MID1: variants seen among roughly 807,000 people sequenced by gnomAD.
MID1 encodes midline 1.
MID1 carries 7 observed loss-of-function variants against 40.4 expected under a neutral mutation model. That is an observed-to-expected ratio of 0.17 (90% CI 0.10 to 0.33). The LOEUF (loss-of-function observed/expected upper bound fraction) is 0.33, where lower values mean the gene tolerates loss of function less well. MID1 is among the 10% of genes least tolerant of loss of function. MID1 has a pLI of 1.00. For synonymous variants in MID1, 229 were observed against 221.2 expected (o/e 1.04, Z -0.31); for missense variants, 367 against 558.5 (o/e 0.66, Z 3.46).
At chrX:10,831,170 A>G (rs1200288132) in intron 1 of MID1, among the ~76,000 whole-genome samples, 1 of 111,863 alleles carries the variant, frequency 8.9e-6, no homozygotes, top group Non-Finnish European at 1.9e-5. Context: ...CAACCCACTC[A>G]TCATTTACCA....
intron 3 of MID1, among the ~76,000 whole-genome samples, chrX:10,521,118 G>T (rs1932681977): frequency 1.2e-5 from 1 of 86,641 alleles, no homozygotes; most frequent in Non-Finnish European, 2.3e-5. Flanking sequence ...GAGTGTGTAT[G>T]GGAGGGGGGC....
chrX:10,516,769 C>T (rs1452342498), intron 3 of MID1, among the ~76,000 whole-genome samples: 2 of 110,212 alleles, frequency 1.8e-5, no homozygotes, highest in Non-Finnish European at 3.8e-5. Flanking sequence ...GCGCACACCA[C>T]CACGCCTGTC....
chrX:10,819,454 T>C (rs932425129), intron 1 of MID1, among the ~76,000 whole-genome samples: 7 of 112,156 alleles, frequency 6.2e-5, no homozygotes, highest in African/African-American at 2.3e-4. Flanking sequence ...TGCATATTTT[T>C]ATCTCCCCAG....
At chrX:10,663,219 C>T (rs1274072753) in intron 1 of MID1, among the ~76,000 whole-genome samples, 2 of 111,134 alleles carry the variant, frequency 1.8e-5, no homozygotes, top group Non-Finnish European at 3.8e-5. Context: ...CCATCATCAA[C>T]ATCTAATTTT....
rs181848916 is a variant in MID1 at position 10,446,990 on chromosome X, C to A, written c.*2378G>T. 2.1e-4 allele frequency: 23 copies of A among 110,351 alleles called. 1 individual carries two copies. Among genetic ancestry groups the A allele is most frequent in the African/African-American group, 7.8e-4 (23 of 29,351 alleles). The allele number at this position is 110,351 out of a possible 1,213,427, so 9.1% of individuals were successfully genotyped here. A position where few individuals can be genotyped will look rare whatever the true frequency, so the allele number is the denominator to read the frequency against. Reference sequence around the variant, plus strand: ...CACTGCAGCAAATTTTTACAGCATACATTTTTTAGACTTTCAAAAAAAAAA... The same window carrying A: ...CACTGCAGCAAATTTTTACAGCATAAATTTTTTAGACTTTCAAAAAAAAAA... On this transcript the variant is annotated 3_prime_UTR_variant, in exon 10 of 10. Transcript: ENST00000317552.
chrX:10,731,965 A>T (rs7883719), intron 1 of MID1, among the ~76,000 whole-genome samples: 2,650 of 85,611 alleles, frequency 0.031, 127 homozygotes, highest in African/African-American at 0.12. Context: ...AGAATCTATC[A>T]CAAAAAAAAA....
intron 1 of MID1, among the ~76,000 whole-genome samples, chrX:10,647,987 G>C (rs1309525295): frequency 8.9e-6 from 1 of 111,995 alleles, no homozygotes. Flanking sequence ...TCCAGCCACA[G>C]GCTCCAACTG....
At chrX:10,578,003 A>G (rs1014035635) in intron 1 of MID1, among the ~76,000 whole-genome samples, 1 of 112,248 alleles carries the variant, frequency 8.9e-6, no homozygotes, top group African/African-American at 3.2e-5. Flanking sequence ...TTTAAGGAAC[A>G]TTCATGATAA....
chrX:10,581,680 A>G (rs1296104269), intron 1 of MID1, among the ~76,000 whole-genome samples: 2 of 112,558 alleles, frequency 1.8e-5, no homozygotes, highest in East Asian at 5.6e-4. Context: ...CATTTATTCA[A>G]TAACATTTAT....
At chrX:10,523,469 C>T (rs1446415933) in intron 2 of MID1, among the ~76,000 whole-genome samples, 1 of 111,921 alleles carries the variant, frequency 8.9e-6, no homozygotes, top group Non-Finnish European at 1.9e-5. Context: ...CTCTAGGTCA[C>T]GACCTAGGAA....
At chrX:10,833,322 G>A (rs2044264681) in intron 1 of MID1, among the ~76,000 whole-genome samples, 1 of 111,896 alleles carries the variant, frequency 8.9e-6, no homozygotes, top group Admixed American at 9.5e-5. Flanking sequence ...GCTTGCCTAG[G>A]AAAAACACTC....
chrX:10,604,691 C>T (rs1602462116), intron 1 of MID1, among the ~76,000 whole-genome samples: 1 of 112,112 alleles, frequency 8.9e-6, no homozygotes, highest in East Asian at 2.8e-4. Context: ...AGATTTAGTG[C>T]CAGCTAGAGT....
intron 2 of MID1, among the ~76,000 whole-genome samples, chrX:10,557,098 G>A (rs1362132): frequency 0.026 from 2,901 of 111,477 alleles, 96 homozygotes; most frequent in African/African-American, 0.089. Context: ...CAGTGTCCCC[G>A]AGGTTGTCTG....
intron 1 of MID1, among the ~76,000 whole-genome samples, chrX:10,580,197 C>A (rs935447520): frequency 1.0e-5 from 1 of 99,893 alleles, no homozygotes; most frequent in Admixed American, 1.1e-4. Flanking sequence ...TGCCCCCCCC[C>A]GCCCCGCCCT....
intron 1 of MID1, among the ~76,000 whole-genome samples, chrX:10,574,967 A>G (rs951788060): frequency 8.9e-6 from 1 of 112,706 alleles, no homozygotes; most frequent in South Asian, 3.7e-4. Flanking sequence ...TTACCAAAAC[A>G]TAACTGAGAT....
intron 9 of MID1, 146 bp from the exon 10 acceptor site, chrX:10,449,862 C>T: frequency 1.9e-6 from 1 of 523,259 alleles, no homozygotes; most frequent in East Asian, 3.6e-5. Flanking sequence ...GGCAAGAACC[C>T]CAACATCTGT....
At chrX:10,515,096 A>G (rs140635845) in intron 3 of MID1, among the ~76,000 whole-genome samples, 3,457 of 112,205 alleles carry the variant, frequency 0.031, 87 homozygotes, top group African/African-American at 0.078. Flanking sequence ...TCTTCATCCA[A>G]TGACTCCGGA....
intron 1 of MID1, among the ~76,000 whole-genome samples, chrX:10,670,499 T>C (rs772380335): frequency 6.3e-5 from 7 of 111,996 alleles, no homozygotes; most frequent in Non-Finnish European, 1.3e-4. Flanking sequence ...CCCACCTATA[T>C]TGAGTGATAC....
intron 1 of MID1, among the ~76,000 whole-genome samples, chrX:10,665,435 C>T (rs1329027591): frequency 9.0e-6 from 1 of 111,073 alleles, no homozygotes; most frequent in African/African-American, 3.3e-5. Flanking sequence ...CCTCGCAACA[C>T]TCTGACTAGC....
Sources: allele counts gnomAD v4.1 joint callset (sites outside exome capture counted in the v4.1 genomes callset), GRCh38; gene constraint gnomAD v4.1.1; transcripts MANE v1.5; gene names NCBI Gene and HGNC (gene_info 2026-07-23, HGNC 2026-07-21).